CTNNA2: variants seen among roughly 807,000 people sequenced by gnomAD.
CTNNA2 encodes the protein catenin alpha-2.
A neutral mutation model predicts 101.0 loss-of-function variants in CTNNA2; 42 were observed. That is an observed-to-expected ratio of 0.42 (90% CI 0.32 to 0.54). The LOEUF is 0.54. CTNNA2 is among the 20% of genes least tolerant of loss of function. The pLI is 0.14. For missense variants in CTNNA2, 871 were observed against 1,223.1 expected (o/e 0.71, Z 4.29); for synonymous variants, 450 against 456.4 (o/e 0.99, Z 0.18).
At chr2:79,566,819 T>C (rs1675143278) in intron 1 of CTNNA2, among the ~76,000 whole-genome samples, 1 of 152,172 alleles carries the variant, frequency 6.6e-6, no homozygotes. Context: ...TGAGTTATAC[T>C]CTCTTTTGAA....
intron 7 of CTNNA2, among the ~76,000 whole-genome samples, chr2:80,098,245 G>A (rs1355094133): frequency 5.3e-5 from 8 of 150,900 alleles, no homozygotes; most frequent in East Asian, 1.9e-4. Context: ...TCAGCTGCAG[G>A]TCTGTTGGAG....
At chr2:79,553,449 G>C (rs1450471847) in intron 1 of CTNNA2, among the ~76,000 whole-genome samples, 1 of 152,116 alleles carries the variant, frequency 6.6e-6, no homozygotes, top group Non-Finnish European at 1.5e-5. Context: ...TGAATTTTCT[G>C]TGTTGGTCTG....
At chr2:80,159,910 A>G (rs6717634) in intron 7 of CTNNA2, among the ~76,000 whole-genome samples, 1,956 of 152,288 alleles carry the variant, frequency 0.013, 40 homozygotes, top group African/African-American at 0.042. Context: ...TCCTAGTCCT[A>G]GATCCTAAAA....
chr2:79,311,729 A>G (rs1442725811), intron 2 of CTNNA2, among the ~76,000 whole-genome samples: 1 of 151,998 alleles, frequency 6.6e-6, no homozygotes, highest in Non-Finnish European at 1.5e-5. Flanking sequence ...ATAGACCCAC[A>G]TTGCAGGCAT....
At chr2:79,771,528 G>T (rs936791471) in intron 3 of CTNNA2, among the ~76,000 whole-genome samples, 61 of 152,192 alleles carry the variant, frequency 4.0e-4, no homozygotes, top group African/African-American at 1.4e-3. Flanking sequence ...GCAACTGGAT[G>T]GCCCCATCTG....
chr2:79,855,170 G>A (rs951682190), intron 3 of CTNNA2, among the ~76,000 whole-genome samples: 4 of 152,082 alleles, frequency 2.6e-5, no homozygotes, highest in Admixed American at 6.5e-5. Flanking sequence ...AAGGCAGATG[G>A]CATTTTCTAA....
chr2:79,651,553 G>A lies in CTNNA2; in HGVS notation c.-4G>A, dbSNP rs1352114001. ...AACTGATTACATGTGTTCCCATAGG[G>A]AGCATGACTTCGGCAACTTCACCTA... On this transcript the variant is annotated splice_region_variant and 5_prime_UTR_variant, in exon 2 of 19. Transcript: ENST00000402739. The A allele has an allele frequency of 6.2e-7, 1 of 1,613,254 alleles. No homozygotes were observed. The highest frequency in any genetic ancestry group is 8.5e-7 in the Non-Finnish European group (1 of 1,179,378).
chr2:79,367,690 A>G (rs911130738), intron 3 of CTNNA2, among the ~76,000 whole-genome samples: 1 of 152,110 alleles, frequency 6.6e-6, no homozygotes, highest in Non-Finnish European at 1.5e-5. Flanking sequence ...CATCCAGGCA[A>G]GAGATGGGCT....
intron 3 of CTNNA2, among the ~76,000 whole-genome samples, chr2:79,856,670 T>C (rs1681162061): frequency 6.6e-6 from 1 of 152,210 alleles, no homozygotes; most frequent in African/African-American, 2.4e-5. Context: ...AATTATCTCT[T>C]TGTTTCCCAT....
At chr2:80,202,553 T>G (rs1192233338) in intron 7 of CTNNA2, among the ~76,000 whole-genome samples, 12 of 152,186 alleles carry the variant, frequency 7.9e-5, no homozygotes, top group Non-Finnish European at 1.8e-4. Flanking sequence ...ATCAGTGATA[T>G]TGACTTCCCT....
chr2:80,138,071 G>A (rs1414407639), intron 7 of CTNNA2, among the ~76,000 whole-genome samples: 1 of 152,132 alleles, frequency 6.6e-6, no homozygotes, highest in African/African-American at 2.4e-5. Flanking sequence ...ATTCCACAGA[G>A]CATCCTGGAA....
intron 7 of CTNNA2, among the ~76,000 whole-genome samples, chr2:80,000,454 C>A (rs1692865375): frequency 6.6e-6 from 1 of 152,130 alleles, no homozygotes; most frequent in African/African-American, 2.4e-5. Flanking sequence ...CAGAAATCTA[C>A]AGTTAGTAGA....
At chr2:79,985,353 A>G (rs1691684700) in intron 7 of CTNNA2, among the ~76,000 whole-genome samples, 1 of 152,150 alleles carries the variant, frequency 6.6e-6, no homozygotes, top group South Asian at 2.1e-4. Flanking sequence ...CTGTAGGTGA[A>G]TTCTGTCACA....
intron 2 of CTNNA2, among the ~76,000 whole-genome samples, chr2:79,306,824 G>C (rs1676259292): frequency 1.3e-5 from 2 of 152,190 alleles, no homozygotes. Flanking sequence ...ATGGCTATAA[G>C]ATGATGTATT....
chr2:80,639,831 G>A (rs1029142727), intron 18 of CTNNA2, among the ~76,000 whole-genome samples: 1 of 151,972 alleles, frequency 6.6e-6, no homozygotes, highest in South Asian at 2.1e-4. Flanking sequence ...GGCCGGGCGC[G>A]GTGGCTCACG....
intron 3 of CTNNA2, among the ~76,000 whole-genome samples, chr2:79,334,028 C>G (rs575066439): frequency 6.6e-6 from 1 of 152,204 alleles, no homozygotes; most frequent in South Asian, 2.1e-4. Flanking sequence ...GTGTAATGAT[C>G]AAATCATGGT....
chr2:79,479,780 C>T (rs950823888), intron 4 of CTNNA2, among the ~76,000 whole-genome samples: 9 of 151,926 alleles, frequency 5.9e-5, no homozygotes, highest in Admixed American at 6.6e-5. Flanking sequence ...AAAATTAGCT[C>T]GGCATGGTGG....
chr2:80,309,808 C>T (rs1339763857), intron 7 of CTNNA2, among the ~76,000 whole-genome samples: 1 of 151,600 alleles, frequency 6.6e-6, no homozygotes, highest in African/African-American at 2.4e-5. Flanking sequence ...GATTATCCTG[C>T]CTCAGCCTCC....
chr2:80,359,646 C>T (rs998938464), intron 7 of CTNNA2, among the ~76,000 whole-genome samples: 1 of 152,114 alleles, frequency 6.6e-6, no homozygotes, highest in Non-Finnish European at 1.5e-5. Context: ...TTTCCTGAGG[C>T]CCCCCTAGAA....
Sources: gnomAD v4.1 joint callset for allele counts (sites outside exome capture counted in the v4.1 genomes callset) on GRCh38, gnomAD v4.1.1 for gene constraint, MANE v1.5 for transcripts, NCBI Gene and HGNC (gene_info 2026-07-23, HGNC 2026-07-21) for gene names.